Variants in CCNJL observed in about 807,000 individuals in gnomAD.
CCNJL encodes cyclin-J-like protein.
CCNJL carries 33 observed loss-of-function variants against 33.4 expected under a neutral mutation model. The ratio of observed to expected loss-of-function variants is 0.99; its 90% CI spans 0.75 to 1.32. The LOEUF is 1.32. Among genes scored for constraint, CCNJL ranks in the 40% most tolerant of loss-of-function variants. CCNJL has a pLI of 0.00. For missense variants in CCNJL, 512 were observed against 499.7 expected, an observed-to-expected ratio of 1.02 and a Z score of -0.23; for synonymous variants, 227 against 220.9, an observed-to-expected ratio of 1.03 and a Z score of -0.24.
chr5:160,334,894 T>C lies in CCNJL; in HGVS notation n.206+4551A>G, dbSNP rs1581025162. ...AACAACTGCCCAGGCGGTGCTGCTG[T>C]ACAGTTCAGTGACATTAATTACATT... On this transcript the variant is annotated intron_variant and non_coding_transcript_variant, in intron 1 of 7. Transcript: ENST00000377503. Among the ~76,000 whole-genome samples, 4 of 152,388 alleles carry C rather than the reference T, an allele frequency of 2.6e-5. No individual in the cohort carries two copies. The South Asian group carries it at 8.3e-4, about 32-fold the overall frequency.
In CCNJL at chr5:160,331,367, G is replaced by A. The variant is rs544935514; in HGVS notation, n.206+8078C>T. Among the ~76,000 whole-genome samples, 16 of 151,928 alleles carry A rather than the reference G, an allele frequency of 1.1e-4. No individual in the cohort carries two copies. In the South Asian group the frequency reaches 3.3e-3, roughly 32 times the overall value. On this transcript the variant is annotated intron_variant and non_coding_transcript_variant, in intron 1 of 7. Transcript: ENST00000377503. ...GCCTCCCAAGTAGCTGGGACTACAG[G>A]TGCCCACCACCACGCCCGGCTAATT...
chr5:160,258,388 G>C, intron 4 of CCNJL: 1 of 791,978 alleles, frequency 1.3e-6, no homozygotes, highest in Non-Finnish European at 2.3e-6. Context: ...AGATGTGAAA[G>C]AAGCCATAAG....
chr5:160,306,270 CAAAAAA>C (rs35956418), intron 2 of CCNJL, among the ~76,000 whole-genome samples: 3 of 68,898 alleles, frequency 4.4e-5, no homozygotes, highest in African/African-American at 1.5e-4. Flanking sequence ...GACTCCGTCT[CAAAAAA>C]AAAAAAAAAA....
At chr5:160,262,089 G>A (rs1467159906) in intron 3 of CCNJL, among the ~76,000 whole-genome samples, 2 of 152,070 alleles carry the variant, frequency 1.3e-5, no homozygotes, top group East Asian at 1.9e-4. Flanking sequence ...TTCCAAAGTT[G>A]CCCCGGCTCC....
rs1327978222 is a variant in CCNJL, at chr5:160,249,330, C to T, written c.*4048G>A. ...ATAATTTTAAAAGGTGGAAAAAGTT[C>T]TATTATGTTGACATGCTTAAATATT... is the stretch of plus-strand genomic sequence containing the variant. On this transcript the variant is annotated 3_prime_UTR_variant, in exon 6 of 6. Coordinates refer to ENST00000257536, the MANE Select transcript of CCNJL (RefSeq NM_001308173.3). The T allele has an allele frequency of 2.0e-5, 3 of 152,136 alleles. No homozygotes were observed. The highest frequency in any genetic ancestry group is 7.2e-5 in the African/African-American group (3 of 41,418). 9.4% of individuals were successfully genotyped at this position (152,136 alleles called of 1,614,324 possible). A position where few individuals can be genotyped will look rare whatever the true frequency, so the allele number is the denominator to read the frequency against.
chr5:160,289,167 C>T (rs1762505198), intron 2 of CCNJL, among the ~76,000 whole-genome samples: 1 of 152,130 alleles, frequency 6.6e-6, no homozygotes, highest in Non-Finnish European at 1.5e-5. Flanking sequence ...CCAGCAGCCT[C>T]CTGTGGGCTT....
chr5:160,264,804 T>C (rs1264673881), intron 3 of CCNJL, among the ~76,000 whole-genome samples: 1 of 152,186 alleles, frequency 6.6e-6, no homozygotes, highest in Non-Finnish European at 1.5e-5. Flanking sequence ...GACTGGCTTA[T>C]CTTCTACCTA....
At chr5:160,280,396 C>T (rs1052179313) in intron 3 of CCNJL, 129 bp downstream of exon 3, 9 of 732,258 alleles carry the variant, frequency 1.2e-5, no homozygotes, top group Non-Finnish European at 1.6e-5. Context: ...TGCTAAAAAA[C>T]GCTCAGTGAA....
intron 2 of CCNJL, among the ~76,000 whole-genome samples, chr5:160,311,383 T>TTATA (rs1486411175): frequency 6.6e-6 from 1 of 152,160 alleles, no homozygotes; most frequent in Non-Finnish European, 1.5e-5. Context: ...CCACTTATCT[T>TTATA]TATATAGAGT....
chr5:160,269,489 A>G (rs1561781509), intron 3 of CCNJL: 1 of 456,484 alleles, frequency 2.2e-6, no homozygotes, highest in Non-Finnish European at 4.4e-6. Flanking sequence ...CCCAGGTCTG[A>G]CGGCACTGCT....
intron 2 of CCNJL, among the ~76,000 whole-genome samples, chr5:160,281,921 G>A (rs1004622631): frequency 1.3e-5 from 2 of 152,138 alleles, no homozygotes; most frequent in East Asian, 3.9e-4. Context: ...CTCCTAAAGC[G>A]CTGGGATTAC....
At chr5:160,318,240 C>G (rs1158956450) in intron 1 of CCNJL, among the ~76,000 whole-genome samples, 1 of 152,170 alleles carries the variant, frequency 6.6e-6, no homozygotes, top group Non-Finnish European at 1.5e-5. Context: ...TGGTGTTGAA[C>G]TCCTGACCTC....
intron 3 of CCNJL, among the ~76,000 whole-genome samples, chr5:160,260,218 C>T: frequency 6.6e-6 from 1 of 152,198 alleles, no homozygotes; most frequent in East Asian, 1.9e-4. Flanking sequence ...GTCAGCATGG[C>T]CACGCAAACC....
At chr5:160,308,448 G>A (rs1391302394) in intron 2 of CCNJL, among the ~76,000 whole-genome samples, 3 of 152,180 alleles carry the variant, frequency 2.0e-5, no homozygotes, top group African/African-American at 7.2e-5. Context: ...TGGGAAGAAA[G>A]GCAGCAAACA....
chr5:160,311,482 A>G (rs1763258244), intron 2 of CCNJL, among the ~76,000 whole-genome samples: 1 of 152,248 alleles, frequency 6.6e-6, no homozygotes, highest in African/African-American at 2.4e-5. Flanking sequence ...CTTGCTAGAT[A>G]CATACACATT....
At chr5:160,332,703 T>C (rs1456084107) in intron 1 of CCNJL, among the ~76,000 whole-genome samples, 2 of 152,038 alleles carry the variant, frequency 1.3e-5, no homozygotes, top group Admixed American at 6.6e-5. Flanking sequence ...CTTCAAGTTT[T>C]TACTCCATGT....
At chr5:160,269,386 G>A (rs767633081) in intron 3 of CCNJL, 15 of 456,190 alleles carry the variant, frequency 3.3e-5, no homozygotes, top group Middle Eastern at 3.2e-4. Context: ...GTCCTCGTAC[G>A]GAGGATAGGA....
At chr5:160,329,257 T>A (rs547731369) in intron 1 of CCNJL, among the ~76,000 whole-genome samples, 5 of 152,114 alleles carry the variant, frequency 3.3e-5, no homozygotes, top group Non-Finnish European at 7.4e-5. Flanking sequence ...CAAACTAAAC[T>A]TAGAAACAGG....
At chr5:160,290,268 TATTTA>T (rs1394730160) in intron 2 of CCNJL, among the ~76,000 whole-genome samples, 1 of 150,840 alleles carries the variant, frequency 6.6e-6, no homozygotes, top group Non-Finnish European at 1.5e-5. Context: ...TTTTTCTATT[TATTTA>T]ATTTTTTTTT....
Sources: allele counts gnomAD v4.1 joint callset (sites outside exome capture counted in the v4.1 genomes callset), GRCh38; gene constraint gnomAD v4.1.1; transcripts MANE v1.5; gene names NCBI Gene and HGNC (gene_info 2026-07-23, HGNC 2026-07-21).